PDZRN4: variants seen among roughly 807,000 people sequenced by gnomAD.
The protein encoded by PDZRN4 is PDZ domain-containing RING finger protein 4.
PDZRN4 carries 70 observed loss-of-function variants against 99.0 expected under a neutral mutation model. That is an observed-to-expected ratio of 0.71 (90% confidence interval 0.58 to 0.86). The LOEUF is 0.86. PDZRN4 is among the 40% of genes least tolerant of loss of function. The pLI, the probability that PDZRN4 is intolerant of heterozygous loss-of-function variation, is 0.00. For synonymous variants in PDZRN4, 551 were observed against 501.6 expected, an observed-to-expected ratio of 1.10 and a Z score of -1.32; for missense variants, 1,474 against 1,331.2, an observed-to-expected ratio of 1.11 and a Z score of -1.67.
rs189050262 is a variant in PDZRN4 at position 41,506,962 on chromosome 12, G to A, written c.1100+250G>A. Among the ~76,000 whole-genome samples, 429 of 152,090 alleles carry A rather than the reference G, an allele frequency of 2.8e-3. 3 individuals carry two copies. The highest frequency in any genetic ancestry group is 9.4e-3 in the African/African-American group (390 of 41,488). On this transcript the variant is annotated intron_variant, in intron 4 of 9. Transcript: ENST00000402685. Reference sequence around the variant, plus strand: ...CTTGCTAGCTGCTGTGAAAAATTCTGGCTCTGATTAGTTCATCTTCATATT... The same window carrying A: ...CTTGCTAGCTGCTGTGAAAAATTCTAGCTCTGATTAGTTCATCTTCATATT...
chr12:41,213,309 G>C (rs377417005), intron 3 of PDZRN4, among the ~76,000 whole-genome samples: 3 of 152,052 alleles, frequency 2.0e-5, no homozygotes, highest in Admixed American at 1.3e-4. Context: ...TCAGATGCCA[G>C]GTGGCAGTGG....
At chr12:41,550,184 A>G (rs1391414893) in intron 5 of PDZRN4, among the ~76,000 whole-genome samples, 1 of 152,150 alleles carries the variant, frequency 6.6e-6, no homozygotes, top group Non-Finnish European at 1.5e-5. Context: ...ATGTGGAGAA[A>G]ACGTTCAAAA....
intron 3 of PDZRN4, among the ~76,000 whole-genome samples, chr12:41,424,731 AGCTCCTC>A (rs1952521053): frequency 1.3e-5 from 2 of 152,180 alleles, no homozygotes; most frequent in African/African-American, 2.4e-5. Context: ...CAAGTCAGGA[AGCTCCTC>A]TGAGTGACTT....
intron 3 of PDZRN4, among the ~76,000 whole-genome samples, chr12:41,277,537 A>C (rs1373467371): frequency 6.6e-6 from 1 of 152,086 alleles, no homozygotes; most frequent in Non-Finnish European, 1.5e-5. Context: ...TTCTTATCCC[A>C]ATCTCTTTCT....
chr12:41,340,225 G>A (rs377203955), intron 3 of PDZRN4, among the ~76,000 whole-genome samples: 1 of 151,940 alleles, frequency 6.6e-6, no homozygotes, highest in East Asian at 1.9e-4. Context: ...TACATGTATA[G>A]AATAGAGAAC....
At chr12:41,278,381 A>G (rs906502414) in intron 3 of PDZRN4, among the ~76,000 whole-genome samples, 4 of 152,238 alleles carry the variant, frequency 2.6e-5, no homozygotes, top group Admixed American at 2.0e-4. Context: ...TTAATCATTG[A>G]GATGGGTTAA....
At chr12:41,485,248 G>T (rs1417224474) in intron 3 of PDZRN4, among the ~76,000 whole-genome samples, 2 of 152,150 alleles carry the variant, frequency 1.3e-5, no homozygotes, top group Non-Finnish European at 2.9e-5. Context: ...AGGTCATTGA[G>T]CGAACAAGAA....
At chr12:41,264,237 T>C (rs529977392) in intron 3 of PDZRN4, among the ~76,000 whole-genome samples, 1 of 152,194 alleles carries the variant, frequency 6.6e-6, no homozygotes, top group Non-Finnish European at 1.5e-5. Flanking sequence ...TTGCAAAGAC[T>C]ATCAAGTGAC....
At chr12:41,459,556 G>T (rs2120529645) in intron 3 of PDZRN4, among the ~76,000 whole-genome samples, 1 of 152,302 alleles carries the variant, frequency 6.6e-6, no homozygotes, top group African/African-American at 2.4e-5. Context: ...AGCAGCATTT[G>T]CTGTTGCTTG....
intron 3 of PDZRN4, among the ~76,000 whole-genome samples, chr12:41,215,640 A>G (rs74790311): frequency 0.03 from 4,550 of 152,092 alleles, 162 homozygotes; most frequent in East Asian, 0.16. Flanking sequence ...TTACATAGAC[A>G]TTGTAGGATT....
chr12:41,460,457 T>C (rs1952861088), intron 3 of PDZRN4, among the ~76,000 whole-genome samples: 1 of 152,208 alleles, frequency 6.6e-6, no homozygotes, highest in Admixed American at 6.5e-5. Context: ...AGAAATATTG[T>C]TTCCAGATGA....
intron 3 of PDZRN4, among the ~76,000 whole-genome samples, chr12:41,314,327 C>T (rs1951625270): frequency 6.6e-6 from 1 of 152,168 alleles, no homozygotes; most frequent in Non-Finnish European, 1.5e-5. Context: ...CTTCCTTTCT[C>T]ATTCATTGAG....
At chr12:41,213,489 T>A (rs1197158691) in intron 3 of PDZRN4, among the ~76,000 whole-genome samples, 1 of 152,206 alleles carries the variant, frequency 6.6e-6, no homozygotes, top group East Asian at 1.9e-4. Context: ...ATGCCCACAC[T>A]GACAGTTCAC....
intron 8 of PDZRN4, 76 bp downstream of exon 8, chr12:41,563,725 AT>A: frequency 4.8e-5 from 44 of 923,400 alleles, no homozygotes; most frequent in Non-Finnish European, 6.9e-5. Context: ...TCGTGAATGA[AT>A]TATATTCATT....
chr12:41,516,749 A>G (rs1172457902), intron 5 of PDZRN4, among the ~76,000 whole-genome samples: 1 of 150,902 alleles, frequency 6.6e-6, no homozygotes, highest in Non-Finnish European at 1.5e-5. Flanking sequence ...GTCTTGATGT[A>G]TGGCTCATTA....
rs12311940 is a variant in PDZRN4 at position 41,557,687 on chromosome 12, T to A, written c.1365+1927T>A. Among the ~76,000 whole-genome samples the A allele has an allele frequency of 5.3e-3, 800 of 152,252 alleles. 10 individuals are homozygous for A. Among genetic ancestry groups the A allele is most frequent in the African/African-American group, 0.018 (763 of 41,536 alleles). On this transcript the variant is annotated intron_variant, in intron 7 of 9. Coordinates refer to ENST00000402685, the MANE Select transcript of PDZRN4 (RefSeq NM_001164595.2). ...AGCTAGATAGTGCAGAGCTCCTTTT[T>A]TTTTTTTAACCGTGGACCTTCTGTT...
intron 3 of PDZRN4, among the ~76,000 whole-genome samples, chr12:41,241,334 G>A (rs537210145): frequency 2.0e-5 from 3 of 151,236 alleles, no homozygotes; most frequent in Admixed American, 2.0e-4. Flanking sequence ...GATATACTGT[G>A]TTTGGTTGTT....
intron 3 of PDZRN4, among the ~76,000 whole-genome samples, chr12:41,309,040 G>A (rs1417975822): frequency 6.6e-6 from 1 of 151,964 alleles, no homozygotes; most frequent in Non-Finnish European, 1.5e-5. Flanking sequence ...GACCCAAAAT[G>A]AGAGACCTAG....
At chr12:41,240,809 ATAAGGGCAAAGCCCTTAT>A (rs1189758815) in intron 3 of PDZRN4, among the ~76,000 whole-genome samples, 1 of 152,146 alleles carries the variant, frequency 6.6e-6, no homozygotes, top group Non-Finnish European at 1.5e-5. Context: ...TTCACTATTC[ATAAGGGCAAAGCCCTTAT>A]TACCTACTCA....
Sources: allele counts gnomAD v4.1 joint callset (sites outside exome capture counted in the v4.1 genomes callset), GRCh38; gene constraint gnomAD v4.1.1; transcripts MANE v1.5; gene names NCBI Gene and HGNC (gene_info 2026-07-23, HGNC 2026-07-21).